GRB2: variants seen among roughly 807,000 people sequenced by gnomAD.
GRB2 encodes growth factor receptor-bound protein 2.
GRB2 carries 2 observed loss-of-function variants against 27.4 expected under a neutral mutation model. The observed-to-expected ratio is 0.07, with a 90% confidence interval of 0.03 to 0.23. GRB2 has a LOEUF of 0.23. Among genes scored for constraint, GRB2 ranks in the 10% least tolerant of loss-of-function variants. GRB2 has a pLI of 1.00. For synonymous variants in GRB2, 94 were observed against 99.6 expected (o/e 0.94, Z 0.33); for missense variants, 102 against 282.4 (o/e 0.36, Z 4.58).
intron 2 of GRB2, among the ~76,000 whole-genome samples, chr17:75,346,856 C>T (rs2078658884): frequency 6.6e-6 from 1 of 152,078 alleles, no homozygotes. Flanking sequence ...AGCCACTGTG[C>T]CCAGCCTGCT....
chr17:75,354,089 C>A (rs1338419250), intron 2 of GRB2, among the ~76,000 whole-genome samples: 2 of 151,822 alleles, frequency 1.3e-5, no homozygotes, highest in Non-Finnish European at 2.9e-5. Context: ...TGTTTTGAGT[C>A]CTTGCATGTC....
chr17:75,323,215 A>G (rs1446730977), intron 4 of GRB2, among the ~76,000 whole-genome samples: 1 of 151,984 alleles, frequency 6.6e-6, no homozygotes, highest in African/African-American at 2.4e-5. Context: ...GCTGATGGAA[A>G]CCAAAGGCTT....
At chr17:75,322,334 T>G (rs1041199674) in intron 4 of GRB2, among the ~76,000 whole-genome samples, 2 of 146,886 alleles carry the variant, frequency 1.4e-5, no homozygotes, top group East Asian at 4.0e-4. Context: ...ATCGCGCCAT[T>G]GCACTCCAAC....
intron 3 of GRB2, among the ~76,000 whole-genome samples, chr17:75,328,590 C>T (rs1269329217): frequency 6.6e-6 from 1 of 151,838 alleles, no homozygotes; most frequent in African/African-American, 2.4e-5. Context: ...TGCGGTGAGC[C>T]GAGATCGTGC....
intron 2 of GRB2, among the ~76,000 whole-genome samples, chr17:75,392,391 T>C (rs1310127544): frequency 1.3e-5 from 2 of 152,224 alleles, no homozygotes; most frequent in Admixed American, 6.5e-5. Flanking sequence ...TCAACCTACA[T>C]TTCTAACATT....
At chr17:75,337,375 T>C (rs539035916) in intron 2 of GRB2, among the ~76,000 whole-genome samples, 165 of 149,704 alleles carry the variant, frequency 1.1e-3, no homozygotes, top group African/African-American at 3.9e-3. Context: ...GCTACTGAAG[T>C]GTCGGGTTAA....
chr17:75,354,602 C>A (rs777073078), intron 2 of GRB2, among the ~76,000 whole-genome samples: 24 of 152,134 alleles, frequency 1.6e-4, no homozygotes, highest in Non-Finnish European at 2.6e-4. Context: ...CTCGACCCCC[C>A]ACTTCCATGG....
intron 4 of GRB2, among the ~76,000 whole-genome samples, chr17:75,324,389 T>A (rs996979632): frequency 9.4e-4 from 128 of 136,666 alleles, no homozygotes; most frequent in African/African-American, 3.4e-3. Flanking sequence ...TTTTTTTTTT[T>A]AGTAGAGACA....
intron 2 of GRB2, among the ~76,000 whole-genome samples, chr17:75,389,080 C>A (rs2078982543): frequency 6.6e-6 from 1 of 152,132 alleles, no homozygotes; most frequent in East Asian, 1.9e-4. Context: ...CCTTGCAATT[C>A]TTTATACACA....
At chr17:75,332,548 A>C in intron 3 of GRB2, 152 bp downstream of exon 3, 1 of 571,502 alleles carries the variant, frequency 1.7e-6, no homozygotes, top group Non-Finnish European at 3.1e-6. Flanking sequence ...ATTATTATAT[A>C]CTATTAACAT....
chr17:75,321,909 CGA>C lies in GRB2; in HGVS notation c.300-84_300-83del, dbSNP rs937844085. ...GGGTATTTCCATATAGGAGCTATCTCGAGAGAACCACTGTCCCAGCAGCACTC... is the reference window on the plus strand; with the variant it reads ...GGGTATTTCCATATAGGAGCTATCTCGAGAACCACTGTCCCAGCAGCACTC... On this transcript the variant is annotated intron_variant, in intron 4 of 5. Transcript: ENST00000316804. 1.5e-5 allele frequency: 20 copies of C among 1,336,882 alleles called. No individual in the cohort carries two copies. The African/African-American group carries it at 2.7e-4, about 18-fold the overall frequency. 82.8% of individuals were successfully genotyped at this position (1,336,882 alleles called of 1,614,324 possible). A position where few individuals can be genotyped will look rare whatever the true frequency, so the allele number is the denominator to read the frequency against.
chr17:75,398,818 G>A (rs763863563), intron 1 of GRB2, among the ~76,000 whole-genome samples: 24 of 152,156 alleles, frequency 1.6e-4, no homozygotes, highest in Non-Finnish European at 2.8e-4. Context: ...CGTGATCTCC[G>A]CTCACTGCAA....
intron 2 of GRB2, among the ~76,000 whole-genome samples, chr17:75,375,358 A>G (rs932579402): frequency 6.7e-6 from 1 of 149,506 alleles, no homozygotes; most frequent in South Asian, 2.2e-4. Context: ...ATTTCATGGT[A>G]GTTAAATCCA....
At chr17:75,356,634 G>T (rs1166086550) in intron 2 of GRB2, among the ~76,000 whole-genome samples, 1 of 152,094 alleles carries the variant, frequency 6.6e-6, no homozygotes, top group East Asian at 1.9e-4. Context: ...CATCCTCTCT[G>T]AACCAGCTTC....
intron 2 of GRB2, among the ~76,000 whole-genome samples, chr17:75,354,271 G>GT (rs2078715324): frequency 3.2e-4 from 9 of 28,504 alleles, no homozygotes; most frequent in African/African-American, 3.7e-4. Flanking sequence ...TTTTGGGGGG[G>GT]GGGGGGAGAT....
intron 2 of GRB2, chr17:75,372,856 C>T (rs887683196): frequency 7.2e-5 from 11 of 152,130 alleles, no homozygotes; most frequent in Admixed American, 5.9e-4. Flanking sequence ...AATACGCATT[C>T]GATGAGAAAT....
chr17:75,385,029 C>CA (rs58860615), intron 2 of GRB2, among the ~76,000 whole-genome samples: 1,034 of 55,312 alleles, frequency 0.019, 150 homozygotes, highest in Middle Eastern at 0.05. Flanking sequence ...CTGGCTCTAC[C>CA]AAAAAAAAAA....
Position 75,320,255 on chromosome 17 carries a change from G to A in GRB2, c.*113C>T, listed in dbSNP as rs2078449420. The stretch of plus-strand genomic sequence containing the variant: ...AAGTGAGAGGGTCACAGGGTGACCC[G>A]GCCAGGTGTTCTGCACTCCCTCACA... On this transcript the variant is annotated 3_prime_UTR_variant, in exon 6 of 6. Coordinates refer to ENST00000316804, the MANE Select transcript of GRB2 (RefSeq NM_002086.5). The surrounding 1 kb of genome is among the most constrained non-coding windows in gnomAD (Gnocchi z 4.3). The A allele has an allele frequency of 1.3e-5, 12 of 914,170 alleles. 1 individual carries two copies. The highest frequency in any genetic ancestry group is 3.1e-5 in the South Asian group (2 of 65,276). 56.6% of individuals were successfully genotyped at this position (914,170 alleles called of 1,614,324 possible). A position where few individuals can be genotyped will look rare whatever the true frequency, so the allele number is the denominator to read the frequency against.
At chr17:75,336,795 T>A (rs1444863564) in intron 2 of GRB2, among the ~76,000 whole-genome samples, 1 of 151,978 alleles carries the variant, frequency 6.6e-6, no homozygotes, top group Non-Finnish European at 1.5e-5. Flanking sequence ...TGCAGTGGAG[T>A]GGCATGATCT....
Sources: gnomAD v4.1 joint callset for allele counts (sites outside exome capture counted in the v4.1 genomes callset) on GRCh38, gnomAD v4.1.1 for gene constraint, Gnocchi (gnomAD v3.1) non-coding constraint, MANE v1.5 for transcripts, NCBI Gene and HGNC (gene_info 2026-07-23, HGNC 2026-07-21) for gene names.